Variants in GALNT11 observed in about 807,000 individuals in gnomAD.
GALNT11 encodes UDP-GalNAc:polypeptide N-acetylgalactosaminyltransferase 11.
In GALNT11, 47 loss-of-function variants were observed where a neutral mutation model predicts 72.7. That is an observed-to-expected ratio of 0.65 (90% CI 0.51 to 0.82). The LOEUF is 0.82. Among genes scored for constraint, GALNT11 ranks in the 40% least tolerant of loss-of-function variants. GALNT11 has a pLI of 0.00. For synonymous variants in GALNT11, 270 were observed against 286.6 expected (o/e 0.94, Z 0.58); for missense variants, 677 against 778.4 (o/e 0.87, Z 1.55).
intron 1 of GALNT11, among the ~76,000 whole-genome samples, chr7:152,033,170 G>A (rs768451441): frequency 6.6e-5 from 10 of 152,158 alleles, no homozygotes; most frequent in African/African-American, 1.9e-4. Flanking sequence ...TTTGTCCTCC[G>A]GGGCAGTGCG....
Position 152,118,719 on chromosome 7 carries a change from C to A in GALNT11, c.1494C>A (p.Gly498=). ...CCAACAAATGCCTGGTGGCCCAGGG[C>A]CGCCCAAGTCAGAAGGGAGGTCTCG... ...LQTNKCLVAQ[G]RPSQKGGLVV... is the part of the protein sequence containing the mutation. The change falls in exon 10 of 12, where the codon GGC becomes GGA. Residue 498 remains glycine, a synonymous_variant. Coordinates refer to ENST00000430044, the MANE Select transcript of GALNT11 (RefSeq NM_022087.4). 6.2e-7 allele frequency: 1 copy of A among 1,611,676 alleles called. No individual in the cohort carries two copies. Among genetic ancestry groups the A allele is most frequent in the African/African-American group, 1.3e-5 (1 of 74,818 alleles).
At chr7:152,103,429 A>G (rs2087179939) in intron 4 of GALNT11, 151 bp downstream of exon 4, 2 of 709,748 alleles carry the variant, frequency 2.8e-6, no homozygotes, top group South Asian at 5.8e-5. Context: ...AAGTCTGAAG[A>G]AATCCATTAT....
intron 1 of GALNT11, among the ~76,000 whole-genome samples, chr7:152,061,126 C>T (rs1326963037): frequency 6.6e-6 from 1 of 152,112 alleles, no homozygotes; most frequent in African/African-American, 2.4e-5. Context: ...CACATCCTCT[C>T]CAGCACCTGT....
intron 7 of GALNT11, among the ~76,000 whole-genome samples, 192 bp from the exon 8 acceptor site, chr7:152,113,054 T>C (rs914811088): frequency 2.6e-5 from 4 of 152,246 alleles, no homozygotes; most frequent in Non-Finnish European, 5.9e-5. Context: ...CTTGTAATGA[T>C]AAAGACAGAC....
chr7:152,067,288 C>T (rs185927600), intron 1 of GALNT11, among the ~76,000 whole-genome samples: 35 of 152,292 alleles, frequency 2.3e-4, no homozygotes, highest in Non-Finnish European at 8.8e-5. Context: ...TAAAGTTTCT[C>T]CCCACCCTCC....
intron 1 of GALNT11, among the ~76,000 whole-genome samples, chr7:152,067,936 A>G (rs1282998870): frequency 6.6e-6 from 1 of 152,130 alleles, no homozygotes; most frequent in Non-Finnish European, 1.5e-5. Context: ...TCACATGGTG[A>G]AAGCAGGAGC....
In GALNT11 at chr7:152,122,022, A is replaced by G. The variant is rs75094834; in HGVS notation, c.*345A>G. 718 of 187,406 alleles carry G rather than the reference A, an allele frequency of 3.8e-3. 7 individuals carry two copies. Among genetic ancestry groups the G allele is most frequent in the African/African-American group, 0.016 (686 of 42,808 alleles). The allele number at this position is 187,406 out of a possible 1,614,324, so 11.6% of individuals were successfully genotyped here. ...TCTAGAATTGGGCTTGTACAGAAGG[A>G]TAAAACCCAGGAAAATGGATATTTC... On this transcript the variant is annotated 3_prime_UTR_variant, in exon 12 of 12. Transcript: ENST00000430044.
rs1402182178 is a variant in GALNT11 at position 152,108,131 on chromosome 7, T to G, written c.806T>G (p.Val269Gly). 6.2e-7 allele frequency: 1 copy of G among 1,614,004 alleles called. No homozygotes were observed. The highest frequency in any genetic ancestry group is 8.5e-7 in the Non-Finnish European group (1 of 1,180,012). The change falls in exon 6 of 12, where the codon GTG becomes GGG. Residue 269 changes from valine to glycine, a missense_variant. Transcript: ENST00000430044. ...GCCATCCGTGAGGACCGGCACACCG[T>G]GGTGTGCCCAGTGATTGACATCATC... ...LAAIREDRHT[V>G]VCPVIDIISA...
At chr7:152,068,052 C>T (rs1033641281) in intron 1 of GALNT11, among the ~76,000 whole-genome samples, 4 of 152,098 alleles carry the variant, frequency 2.6e-5, no homozygotes, top group African/African-American at 9.7e-5. Flanking sequence ...GATCGATTCA[C>T]CCCCATGATC....
At chr7:152,028,242 C>G (rs942648420) in intron 1 of GALNT11, among the ~76,000 whole-genome samples, 9 of 152,178 alleles carry the variant, frequency 5.9e-5, no homozygotes, top group African/African-American at 2.2e-4. Flanking sequence ...GCTGATTGGT[C>G]CATTTTACAG....
At chr7:152,101,088 G>C (rs563431288) in intron 3 of GALNT11, among the ~76,000 whole-genome samples, 167 bp downstream of exon 3, 13 of 152,284 alleles carry the variant, frequency 8.5e-5, no homozygotes, top group Admixed American at 2.6e-4. Context: ...GAAGCCACAT[G>C]GTCTGAGATG....
intron 1 of GALNT11, among the ~76,000 whole-genome samples, chr7:152,026,143 G>A (rs1173369667): frequency 6.6e-6 from 1 of 152,184 alleles, no homozygotes; most frequent in Non-Finnish European, 1.5e-5. Flanking sequence ...CCTCGTTTTC[G>A]CGTATTTAGG....
Position 152,121,603 on chromosome 7 carries a change from C to T in GALNT11, c.1753C>T (p.Leu585=). 6.2e-7 allele frequency: 1 copy of T among 1,614,194 alleles called. No homozygotes were observed. The highest frequency in any genetic ancestry group is 8.5e-7 in the Non-Finnish European group (1 of 1,180,034). Reference sequence around the variant, plus strand: ...ACAGTGCCTGAGAGCAGTGGATCCCCTGGGTCAGAAGGGCTCTGTCGCCAT... The same window carrying T: ...ACAGTGCCTGAGAGCAGTGGATCCCTTGGGTCAGAAGGGCTCTGTCGCCAT... ...VGQCLRAVDP[L]GQKGSVAMAI... Residue 585 remains leucine, a synonymous_variant, in exon 12 of 12, where the codon CTG becomes TTG. Transcript: ENST00000430044.
intron 1 of GALNT11, among the ~76,000 whole-genome samples, chr7:152,067,974 C>T (rs539111422): frequency 6.6e-6 from 1 of 152,098 alleles, no homozygotes; most frequent in East Asian, 1.9e-4. Flanking sequence ...AGGGGAGGTG[C>T]CACATACTTT....
chr7:152,083,728 C>T (rs1260806071), intron 1 of GALNT11, among the ~76,000 whole-genome samples: 1 of 152,040 alleles, frequency 6.6e-6, no homozygotes, highest in African/African-American at 2.4e-5. Context: ...AAAAAAAAAC[C>T]TGATAATATA....
rs539239771 is a variant in GALNT11, at chr7:152,025,773, CG to C, written c.-146del. The C allele has an allele frequency of 4.6e-4, 79 of 170,532 alleles. No homozygotes were observed. The highest frequency in any genetic ancestry group is 1.7e-3 in the African/African-American group (72 of 41,696). The allele number at this position is 170,532 out of a possible 1,614,324, so 10.6% of individuals were successfully genotyped here. A position where few individuals can be genotyped will look rare whatever the true frequency, so the allele number is the denominator to read the frequency against. On this transcript the variant is annotated 5_prime_UTR_variant, in exon 1 of 12. Transcript: ENST00000430044. ...TGCGCGACGCCTGGCTGCTGGGCCCCGGGGCAGTTCAGCCCGCGCCGCTCCT... is the reference window on the plus strand; with the variant it reads ...TGCGCGACGCCTGGCTGCTGGGCCCCGGGCAGTTCAGCCCGCGCCGCTCCT...
At chr7:152,116,778 C>A in intron 8 of GALNT11, 1 of 373,166 alleles carries the variant, frequency 2.7e-6, no homozygotes. Flanking sequence ...AAAAGGTTTG[C>A]AAAAATAGAA....
intron 3 of GALNT11, 139 bp from the exon 4 acceptor site, chr7:152,102,973 C>T (rs1429654781): frequency 1.3e-6 from 1 of 758,344 alleles, no homozygotes; most frequent in Non-Finnish European, 2.0e-6. Flanking sequence ...AAGAGCGAGA[C>T]TCCGTCTCAA....
At chr7:152,121,195 C>A (rs1318855509) in intron 11 of GALNT11, among the ~76,000 whole-genome samples, 1 of 152,188 alleles carries the variant, frequency 6.6e-6, no homozygotes, top group Non-Finnish European at 1.5e-5. Flanking sequence ...AGGTTCACAA[C>A]AATAACTGAA....
Sources: allele counts gnomAD v4.1 joint callset (sites outside exome capture counted in the v4.1 genomes callset), GRCh38; gene constraint gnomAD v4.1.1; transcripts MANE v1.5; gene names NCBI Gene and HGNC (gene_info 2026-07-23, HGNC 2026-07-21).